Variants in NTRK3 observed in about 807,000 individuals in gnomAD.
The protein encoded by NTRK3 is NT-3 growth factor receptor.
In NTRK3, 24 loss-of-function variants were observed where a neutral mutation model predicts 91.7. The ratio of observed to expected loss-of-function variants is 0.26; its 90% CI spans 0.19 to 0.37. NTRK3 has a LOEUF of 0.37. Ranked by LOEUF, NTRK3 falls within the 10% of genes least tolerant of loss-of-function variation. The probability of loss-of-function intolerance (pLI) is 1.00; values close to 1 mark genes in which losing one functional copy is unlikely to be tolerated. For synonymous variants in NTRK3, 483 were observed against 404.0 expected, an observed-to-expected ratio of 1.20 and a Z score of -2.34; for missense variants, 880 against 1,068.9, an observed-to-expected ratio of 0.82 and a Z score of 2.46.
At position 87,964,829 on chromosome 15, in the gene NTRK3, T is replaced by C. The variant is rs1475993902; in HGVS notation, c.1586-24076A>G. Among the ~76,000 whole-genome samples the C allele has an allele frequency of 2.0e-5, 3 of 152,242 alleles. 1 individual carries two copies. Among genetic ancestry groups the C allele is most frequent in the Non-Finnish European group, 4.4e-5 (3 of 68,044 alleles). Reference sequence around the variant, plus strand: ...TGTGTAAGTGCTTCATTCCTTTTTATTGCTGAGTAGTAATCCATTCTATGG... The same window carrying C: ...TGTGTAAGTGCTTCATTCCTTTTTACTGCTGAGTAGTAATCCATTCTATGG... On this transcript the variant is annotated intron_variant, in intron 14 of 18. Transcript: ENST00000394480.
intron 13 of NTRK3, among the ~76,000 whole-genome samples, chr15:88,092,283 G>A (rs2049087381): frequency 6.6e-6 from 1 of 152,192 alleles, no homozygotes; most frequent in Non-Finnish European, 1.5e-5. Context: ...AGTCACTGAA[G>A]CTCCTTAACT....
intron 6 of NTRK3, among the ~76,000 whole-genome samples, chr15:88,144,925 T>C (rs968876680): frequency 6.6e-6 from 1 of 152,158 alleles, no homozygotes; most frequent in East Asian, 1.9e-4. Context: ...TGTTAAGGAA[T>C]TGCTGCACAC....
At chr15:87,884,540 C>A (rs1221137341) in intron 17 of NTRK3, among the ~76,000 whole-genome samples, 1 of 151,586 alleles carries the variant, frequency 6.6e-6, no homozygotes, top group Non-Finnish European at 1.5e-5. Context: ...TAATAAATAT[C>A]AACATACATA....
At chr15:88,104,392 C>T (rs577178605) in intron 13 of NTRK3, among the ~76,000 whole-genome samples, 9 of 152,174 alleles carry the variant, frequency 5.9e-5, no homozygotes, top group Non-Finnish European at 7.3e-5. Flanking sequence ...TTTATCTTTC[C>T]GACTGTAACC....
intron 13 of NTRK3, among the ~76,000 whole-genome samples, chr15:88,064,825 C>G (rs1027670145): frequency 6.6e-6 from 1 of 152,174 alleles, no homozygotes; most frequent in Admixed American, 6.5e-5. Flanking sequence ...CCTCCTTCAC[C>G]CTTACCCACA....
chr15:87,960,361 C>G (rs1454429946), intron 14 of NTRK3, among the ~76,000 whole-genome samples: 1 of 152,148 alleles, frequency 6.6e-6, no homozygotes, highest in Non-Finnish European at 1.5e-5. Flanking sequence ...AGCTTCCACT[C>G]AAGCTTTTAT....
At chr15:88,203,826 T>C (rs1386882083) in intron 3 of NTRK3, among the ~76,000 whole-genome samples, 1 of 152,224 alleles carries the variant, frequency 6.6e-6, no homozygotes, top group African/African-American at 2.4e-5. Context: ...ATGTCTATTA[T>C]GTATCAATAA....
chr15:88,164,009 C>T (rs1312793470), intron 5 of NTRK3, among the ~76,000 whole-genome samples: 5 of 152,218 alleles, frequency 3.3e-5, no homozygotes, highest in African/African-American at 9.7e-5. Context: ...CATCTCTGCT[C>T]ATGCAATCAT....
chr15:88,136,022 T>G (rs2041843368), exon 9 of NTRK3: 1 of 1,614,256 alleles, frequency 6.2e-7, no homozygotes. Context: ...GCATGAACAT[T>G]GGTCCAGTTC....
At chr15:87,905,338 A>C (rs192763667) in intron 17 of NTRK3, among the ~76,000 whole-genome samples, 1 of 152,296 alleles carries the variant, frequency 6.6e-6, no homozygotes. Context: ...TGGCATCCCA[A>C]AGTAATTCTT....
intron 17 of NTRK3, among the ~76,000 whole-genome samples, chr15:87,881,709 G>A (rs1433296442): frequency 6.6e-6 from 1 of 151,228 alleles, no homozygotes; most frequent in African/African-American, 2.4e-5. Context: ...TTGAGCCACC[G>A]CGCCCGGCCT....
At chr15:87,931,209 C>T (rs567691432) in intron 16 of NTRK3, 7 of 518,242 alleles carry the variant, frequency 1.4e-5, no homozygotes, top group South Asian at 8.4e-5. Flanking sequence ...TTTAACCCTG[C>T]TGGTGGCTCT....
chr15:88,119,023 T>A (rs185364198), intron 13 of NTRK3, among the ~76,000 whole-genome samples: 55 of 152,328 alleles, frequency 3.6e-4, no homozygotes, highest in African/African-American at 1.2e-3. Flanking sequence ...GAAAAATATT[T>A]TGCATCAGCC....
intron 13 of NTRK3, among the ~76,000 whole-genome samples, chr15:88,111,704 T>G (rs2051375001): frequency 6.6e-6 from 1 of 152,192 alleles, no homozygotes; most frequent in Admixed American, 6.5e-5. Context: ...TGACCCTCCT[T>G]AGAACTCTAG....
At chr15:88,193,375 C>T (rs1233792849) in intron 3 of NTRK3, among the ~76,000 whole-genome samples, 2 of 152,158 alleles carry the variant, frequency 1.3e-5, no homozygotes, top group East Asian at 3.9e-4. Context: ...TCAAGGGCCC[C>T]ATATCCAGAG....
At chr15:88,067,936 T>C (rs1193525489) in intron 13 of NTRK3, among the ~76,000 whole-genome samples, 1 of 152,204 alleles carries the variant, frequency 6.6e-6, no homozygotes, top group Non-Finnish European at 1.5e-5. Context: ...ATCCTCATTA[T>C]GTTGTTATAC....
At chr15:88,078,077 C>A (rs532013001) in intron 13 of NTRK3, among the ~76,000 whole-genome samples, 9 of 152,350 alleles carry the variant, frequency 5.9e-5, no homozygotes, top group Non-Finnish European at 1.0e-4. Context: ...GAATAGAGGA[C>A]AAACACATTC....
intron 17 of NTRK3, among the ~76,000 whole-genome samples, chr15:87,898,818 T>G (rs2066281780): frequency 9.6e-6 from 1 of 104,260 alleles, no homozygotes; most frequent in African/African-American, 3.7e-5. Flanking sequence ...AAACTCTGTC[T>G]CTACTAAAAA....
At chr15:88,138,811 C>T (rs776452347) in intron 6 of NTRK3, among the ~76,000 whole-genome samples, 1 of 152,186 alleles carries the variant, frequency 6.6e-6, no homozygotes, top group Non-Finnish European at 1.5e-5. Context: ...ATCTGTCTCC[C>T]TGAATAAAAA....
Sources: gnomAD v4.1 joint callset for allele counts (sites outside exome capture counted in the v4.1 genomes callset) on GRCh38, gnomAD v4.1.1 for gene constraint, MANE v1.5 for transcripts, NCBI Gene and HGNC (gene_info 2026-07-23, HGNC 2026-07-21) for gene names.